PACRG: variants seen among roughly 807,000 people sequenced by gnomAD.
PACRG encodes parkin coregulated gene protein.
PACRG carries 29 observed loss-of-function variants against 29.7 expected under a neutral mutation model. That is an observed-to-expected ratio of 0.98 (90% CI 0.73 to 1.33). PACRG has a LOEUF of 1.33. Among genes scored for constraint, PACRG ranks in the 40% most tolerant of loss-of-function variants. PACRG has a pLI of 0.00. For missense variants in PACRG, 279 were observed against 316.2 expected, an observed-to-expected ratio of 0.88 and a Z score of 0.89; for synonymous variants, 116 against 118.7, an observed-to-expected ratio of 0.98 and a Z score of 0.15.
rs1047505709 is a variant in PACRG at position 162,957,256 on chromosome 6, G to A, written c.292-104894G>A. On this transcript the variant is annotated intron_variant, in intron 2 of 4. Transcript: ENST00000366888. Reference sequence around the variant, plus strand: ...GCTTCAACACTTTTGAAGTGCTTATGCTGTCAACACTTTCACAATGATTTT... The same window carrying A: ...GCTTCAACACTTTTGAAGTGCTTATACTGTCAACACTTTCACAATGATTTT... 65 of 497,026 alleles carry A rather than the reference G, an allele frequency of 1.3e-4. No individual in the cohort carries two copies. The Admixed American group carries it at 1.4e-3, about 10-fold the overall frequency. The allele number at this position is 497,026 out of a possible 1,614,324, so 30.8% of individuals were successfully genotyped here. A position where few individuals can be genotyped will look rare whatever the true frequency, so the allele number is the denominator to read the frequency against.
rs564777698 is a variant in PACRG, at chr6:162,989,747, T to A, written c.292-72403T>A. On this transcript the variant is annotated intron_variant, in intron 2 of 4. Transcript: ENST00000366888. ...CTTTTTTTTTTTTTCTTTTCTTTTT[T>A]TTTATTATACTTTAAGTTTTAGGGT... Among the ~76,000 whole-genome samples, 228 of 152,082 alleles carry A rather than the reference T, an allele frequency of 1.5e-3. 1 individual carries two copies. Among genetic ancestry groups the A allele is most frequent in the African/African-American group, 5.2e-3 (216 of 41,496 alleles).
intron 2 of PACRG, among the ~76,000 whole-genome samples, chr6:162,973,939 C>T (rs1386774650): frequency 6.6e-6 from 1 of 152,076 alleles, no homozygotes; most frequent in African/African-American, 2.4e-5. Flanking sequence ...GGAAACAAGC[C>T]CCAAAGCTAT....
chr6:162,966,551 A>C (rs1415505157), intron 2 of PACRG, among the ~76,000 whole-genome samples: 1 of 144,370 alleles, frequency 6.9e-6, no homozygotes, highest in Non-Finnish European at 1.5e-5. Flanking sequence ...ATCTCGGCTC[A>C]CTGCAAGCTC....
chr6:162,811,208 T>C (rs1786837151), intron 1 of PACRG, among the ~76,000 whole-genome samples: 1 of 152,124 alleles, frequency 6.6e-6, no homozygotes, highest in Non-Finnish European at 1.5e-5. Flanking sequence ...GTTTTGGAAA[T>C]GCAGAAGAAA....
At chr6:163,057,480 A>G (rs1188393737) in intron 2 of PACRG, among the ~76,000 whole-genome samples, 3 of 152,140 alleles carry the variant, frequency 2.0e-5, no homozygotes, top group African/African-American at 7.2e-5. Flanking sequence ...CAGTTGCGCA[A>G]TCTTGGCTCA....
intron 1 of PACRG, among the ~76,000 whole-genome samples, chr6:162,755,674 T>G (rs1429445047): frequency 6.6e-6 from 1 of 152,172 alleles, no homozygotes; most frequent in African/African-American, 2.4e-5. Context: ...TGACCTCAAA[T>G]GGTCCACCCA....
At chr6:163,179,376 A>C in intron 4 of PACRG, 1 of 285,126 alleles carries the variant, frequency 3.5e-6, no homozygotes, top group Non-Finnish European at 7.0e-6. Context: ...CAACCTACTC[A>C]TTTGGTGTTC....
intron 4 of PACRG, among the ~76,000 whole-genome samples, chr6:163,311,161 G>A (rs572475330): frequency 6.0e-4 from 91 of 152,326 alleles, no homozygotes; most frequent in Non-Finnish European, 1.1e-3. Context: ...TAGGTCACAT[G>A]CCTCCTGCAT....
chr6:163,029,352 T>C (rs1807442718), intron 2 of PACRG, among the ~76,000 whole-genome samples: 1 of 152,170 alleles, frequency 6.6e-6, no homozygotes. Context: ...TGTAAGTTGT[T>C]ACAGCAGCCA....
At chr6:163,213,290 G>T (rs1470741917) in intron 4 of PACRG, among the ~76,000 whole-genome samples, 1 of 143,368 alleles carries the variant, frequency 7.0e-6, no homozygotes, top group African/African-American at 2.6e-5. Context: ...AAAATGTCCA[G>T]GGCATGAAAG....
chr6:163,020,765 G>T (rs548079472), intron 2 of PACRG, among the ~76,000 whole-genome samples: 1 of 151,544 alleles, frequency 6.6e-6, no homozygotes, highest in South Asian at 2.1e-4. Flanking sequence ...CTGATACTTT[G>T]CAGTCTGAGC....
At chr6:163,133,025 A>G (rs942270017) in intron 4 of PACRG, among the ~76,000 whole-genome samples, 2 of 152,202 alleles carry the variant, frequency 1.3e-5, no homozygotes, top group Non-Finnish European at 2.9e-5. Context: ...GTAACAGAAT[A>G]TACTACCAAA....
chr6:162,890,670 A>T (rs1352376225), intron 2 of PACRG, among the ~76,000 whole-genome samples: 1 of 152,114 alleles, frequency 6.6e-6, no homozygotes, highest in Admixed American at 6.5e-5. Context: ...CCCGCACTGT[A>T]CCTGATTCTT....
At chr6:163,059,603 G>A (rs1045414166) in intron 2 of PACRG, among the ~76,000 whole-genome samples, 1 of 152,154 alleles carries the variant, frequency 6.6e-6, no homozygotes, top group African/African-American at 2.4e-5. Flanking sequence ...AAACAACAAA[G>A]CCTGAGAGGC....
At chr6:163,167,927 T>G (rs1585287563) in intron 4 of PACRG, among the ~76,000 whole-genome samples, 1 of 152,340 alleles carries the variant, frequency 6.6e-6, no homozygotes, top group East Asian at 1.9e-4. Flanking sequence ...CATATAACTA[T>G]CATTCAGATT....
chr6:163,187,531 C>G (rs1188232763), intron 4 of PACRG: 1 of 152,256 alleles, frequency 6.6e-6, no homozygotes, highest in Non-Finnish European at 1.5e-5. Context: ...CGTTGACAGC[C>G]CCGTCACCTG....
intron 2 of PACRG, among the ~76,000 whole-genome samples, chr6:162,855,306 T>C (rs1256553968): frequency 1.3e-5 from 2 of 152,228 alleles, no homozygotes; most frequent in Non-Finnish European, 2.9e-5. Context: ...TTGTGATTTA[T>C]GACACTGATG....
chr6:163,185,214 G>A (rs933457685), intron 4 of PACRG, among the ~76,000 whole-genome samples: 2 of 152,004 alleles, frequency 1.3e-5, no homozygotes, highest in Admixed American at 6.6e-5. Flanking sequence ...GCCGTACGCT[G>A]GGAGTCATCA....
intron 1 of PACRG, among the ~76,000 whole-genome samples, chr6:162,741,231 T>C (rs978725379): frequency 1.1e-4 from 16 of 152,208 alleles, no homozygotes; most frequent in Admixed American, 9.2e-4. Flanking sequence ...GCTAGGGTAG[T>C]CTTTTCAAAA....
Sources: allele counts gnomAD v4.1 joint callset (sites outside exome capture counted in the v4.1 genomes callset), GRCh38; gene constraint gnomAD v4.1.1; transcripts MANE v1.5; gene names NCBI Gene and HGNC (gene_info 2026-07-23, HGNC 2026-07-21).